The following HERC2 variants were observed in gnomAD, a reference collection of about 807,000 sequenced individuals.
HERC2 encodes the protein E3 ubiquitin-protein ligase HERC2.
A neutral mutation model predicts 537.7 loss-of-function variants in HERC2; 102 were observed. That is an observed-to-expected ratio of 0.19 (90% CI 0.16 to 0.22). HERC2 has a LOEUF of 0.22. HERC2 is among the 10% of genes least tolerant of loss of function. The pLI, the probability that HERC2 is intolerant of heterozygous loss-of-function variation, is 1.00. For missense variants in HERC2, 4,236 were observed against 6,198.2 expected, an observed-to-expected ratio of 0.68 and a Z score of 10.63; for synonymous variants, 2,224 against 2,466.2, an observed-to-expected ratio of 0.90 and a Z score of 2.91.
At chr15:28,181,623 GA>G (rs2140189701) in intron 57 of HERC2, among the ~76,000 whole-genome samples, 1 of 152,342 alleles carries the variant, frequency 6.6e-6, no homozygotes, top group African/African-American at 2.4e-5. Flanking sequence ...ATAAAATTTA[GA>G]GGAATTTGCT....
chr15:28,154,075 C>T (rs1395673431), intron 69 of HERC2, among the ~76,000 whole-genome samples: 1 of 152,028 alleles, frequency 6.6e-6, no homozygotes, highest in Admixed American at 6.6e-5. Flanking sequence ...ACATCTTTTA[C>T]GATTAAGGTT....
At chr15:28,207,702 G>C (rs1218263492) in intron 44 of HERC2, among the ~76,000 whole-genome samples, 4 of 152,020 alleles carry the variant, frequency 2.6e-5, no homozygotes, top group Non-Finnish European at 2.9e-5. Context: ...TACTCATCCA[G>C]GTACTCACAG....
chr15:28,115,599 GCTCA>G (rs1367157104), intron 88 of HERC2, 58 bp from the exon 89 acceptor site: 15 of 1,271,494 alleles, frequency 1.2e-5, no homozygotes, highest in Admixed American at 1.8e-5. Context: ...AAAACTTCCC[GCTCA>G]CTCACACACG....
chr15:28,200,172 G>A (rs924386511), intron 48 of HERC2, among the ~76,000 whole-genome samples: 26 of 152,218 alleles, frequency 1.7e-4, no homozygotes, highest in African/African-American at 5.8e-4. Flanking sequence ...CAAGGCAGGC[G>A]GATCACCTGA....
chr15:28,258,557 T>G (rs1197259114), intron 16 of HERC2, among the ~76,000 whole-genome samples: 3 of 152,104 alleles, frequency 2.0e-5, no homozygotes, highest in South Asian at 4.1e-4. Context: ...TACATGAAAA[T>G]GCGCCAAAAT....
At chr15:28,190,845 CAGAA>C (rs1896791964) in intron 55 of HERC2, 116 bp downstream of exon 55, 3 of 692,142 alleles carry the variant, frequency 4.3e-6, no homozygotes, top group Non-Finnish European at 7.8e-6. Context: ...AAATTTAAAA[CAGAA>C]AGAACCAATT....
At chr15:28,293,319 C>G (rs2076370664) in intron 3 of HERC2, among the ~76,000 whole-genome samples, 2 of 151,824 alleles carry the variant, frequency 1.3e-5, no homozygotes, top group Admixed American at 1.3e-4. Context: ...CGGTGAAACC[C>G]CATCTCTACT....
intron 65 of HERC2, among the ~76,000 whole-genome samples, chr15:28,172,118 T>C (rs934845353): frequency 3.3e-5 from 5 of 150,000 alleles, no homozygotes; most frequent in Non-Finnish European, 7.4e-5. Flanking sequence ...CTAGAAAACA[T>C]TGCTGAGAGA....
At chr15:28,170,845 A>AT (rs1894625278) in intron 65 of HERC2, among the ~76,000 whole-genome samples, 2 of 152,122 alleles carry the variant, frequency 1.3e-5, no homozygotes, top group Admixed American at 1.3e-4. Flanking sequence ...ATGAAGACAT[A>AT]TTTTACCAAA....
intron 69 of HERC2, among the ~76,000 whole-genome samples, chr15:28,158,617 A>C (rs1303861872): frequency 6.6e-6 from 1 of 151,856 alleles, no homozygotes; most frequent in Non-Finnish European, 1.5e-5. Context: ...CTTTATTTTG[A>C]GCCTATGTGT....
chr15:28,305,426 G>A (rs1156584646), intron 2 of HERC2, among the ~76,000 whole-genome samples: 1 of 144,480 alleles, frequency 6.9e-6, no homozygotes, highest in African/African-American at 2.5e-5. Flanking sequence ...AAGCAATGGG[G>A]AAAGGATTCC....
chr15:28,314,883 T>C (rs1312799734), intron 2 of HERC2, among the ~76,000 whole-genome samples: 1 of 151,066 alleles, frequency 6.6e-6, no homozygotes, highest in Non-Finnish European at 1.5e-5. Context: ...AAAAAAATCA[T>C]ATGTCAACAC....
chr15:28,175,333 A>G (rs966865364), intron 64 of HERC2, among the ~76,000 whole-genome samples, 179 bp downstream of exon 64: 11 of 152,042 alleles, frequency 7.2e-5, no homozygotes, highest in East Asian at 1.9e-4. Context: ...CCCTGCTGCA[A>G]AGCAGGCAGA....
At chr15:28,302,859 T>C (rs940036394) in intron 2 of HERC2, among the ~76,000 whole-genome samples, 1 of 152,196 alleles carries the variant, frequency 6.6e-6, no homozygotes, top group African/African-American at 2.4e-5. Context: ...GATTATTAGA[T>C]TTTTTTCTTA....
chr15:28,213,827 G>T lies in HERC2; in HGVS notation c.6701C>A (p.Thr2234Asn). The change falls in exon 42 of 93, where the codon ACT (threonine) becomes AAT (asparagine). Residue 2234 changes from threonine to asparagine, a missense_variant. By Grantham distance (65) the Thr-to-Asn change is moderately conservative. This residue lies in a region of HERC2 where 365 missense variants were observed against 468.8 expected (regional missense o/e 0.78). Coordinates refer to ENST00000261609, the MANE Select transcript of HERC2 (RefSeq NM_004667.6). ...GATTTTGCCCTTTGGGGTGATGCGA[G>T]TCACAGTGCCTTCTCCAAACTCATC... ...MHDEFGEGTV[T>N]RITPKGKITV... The T allele has an allele frequency of 6.2e-7, 1 of 1,614,032 alleles. No individual in the cohort carries two copies. Among genetic ancestry groups the T allele is most frequent in the Non-Finnish European group, 8.5e-7 (1 of 1,179,890 alleles).
At chr15:28,318,427 A>C (rs1280679788) in intron 2 of HERC2, among the ~76,000 whole-genome samples, 6 of 152,108 alleles carry the variant, frequency 3.9e-5, no homozygotes, top group African/African-American at 1.4e-4. Context: ...AGGAGTTCAA[A>C]ACCAACCTGG....
rs116801679 is a variant in HERC2 at position 28,114,922 on chromosome 15, G to A, written c.13723-120C>T. 193 of 740,908 alleles carry A rather than the reference G, an allele frequency of 2.6e-4. No individual in the cohort carries two copies. In the African/African-American group the frequency reaches 3.2e-3, roughly 12 times the overall value. 45.9% of individuals were successfully genotyped at this position (740,908 alleles called of 1,614,324 possible). A position where few individuals can be genotyped will look rare whatever the true frequency, so the allele number is the denominator to read the frequency against. On this transcript the variant is annotated intron_variant, in intron 89 of 92. Transcript: ENST00000261609. Reference sequence around the variant, plus strand: ...AGGGTCAGCCTCAAGTGCATCTCGAGGCTGCAAGTGCATGGCACACACCAA... The same window carrying A: ...AGGGTCAGCCTCAAGTGCATCTCGAAGCTGCAAGTGCATGGCACACACCAA...
intron 69 of HERC2, among the ~76,000 whole-genome samples, chr15:28,158,017 T>C (rs913584493): frequency 8.5e-5 from 13 of 152,322 alleles, no homozygotes; most frequent in African/African-American, 2.2e-4. Flanking sequence ...CAGGAGCAGG[T>C]TGTTCGGTTT....
At chr15:28,128,079 C>T (rs1336419183) in intron 83 of HERC2, among the ~76,000 whole-genome samples, 2 of 152,142 alleles carry the variant, frequency 1.3e-5, no homozygotes, top group Admixed American at 6.5e-5. Context: ...AGACACACAA[C>T]CCGAATCTAC....
Sources: gnomAD v4.1 joint callset for allele counts (sites outside exome capture counted in the v4.1 genomes callset) on GRCh38, gnomAD v4.1.1 for gene constraint, gnomAD v4.1.1 regional missense constraint, MANE v1.5 for transcripts, NCBI Gene and HGNC (gene_info 2026-07-23, HGNC 2026-07-21) for gene names.